ADCY5: variants seen among roughly 807,000 people sequenced by gnomAD.
ADCY5 encodes adenylate cyclase 5, also known as adenylate cyclase type 5.
In ADCY5, 30 loss-of-function variants were observed where a neutral mutation model predicts 119.7. The observed-to-expected ratio is 0.25, with a 90% CI of 0.19 to 0.34. The LOEUF (loss-of-function observed/expected upper bound fraction) is 0.34, where lower values mean the gene tolerates loss of function less well. ADCY5 is among the 10% of genes least tolerant of loss of function. The pLI is 1.00. For missense variants in ADCY5, 1,324 were observed against 1,775.2 expected (o/e 0.75, Z 4.57); for synonymous variants, 753 against 762.2 (o/e 0.99, Z 0.20).
intron 1 of ADCY5, among the ~76,000 whole-genome samples, chr3:123,374,695 G>T (rs555540269): frequency 2.0e-3 from 308 of 152,176 alleles, no homozygotes; most frequent in African/African-American, 6.5e-3. Context: ...TGGCAAAAGG[G>T]GGGCAGCAGC....
intron 1 of ADCY5, among the ~76,000 whole-genome samples, chr3:123,377,798 T>A (rs1313059697): frequency 6.6e-6 from 1 of 151,876 alleles, no homozygotes; most frequent in East Asian, 1.9e-4. Context: ...CGTGTGGTGG[T>A]GTGTGCCTGT....
rs111834386 is a variant in ADCY5, at chr3:123,439,809, T to C, written c.1134+7603A>G. 9.0e-3 allele frequency among the ~76,000 whole-genome samples: 1,375 copies of C among 152,284 alleles called. 22 individuals carry two copies. The highest frequency in any genetic ancestry group is 0.031 in the African/African-American group (1,296 of 41,550). The stretch of plus-strand genomic sequence containing the variant: ...GGCCTAGACAGTGCCTATTATAAGG[T>C]AGGCACCTAATAAATGATTATTATC... On this transcript the variant is annotated intron_variant, in intron 1 of 20. Transcript: ENST00000462833.
At chr3:123,415,297 G>A (rs780828329) in intron 1 of ADCY5, among the ~76,000 whole-genome samples, 1 of 152,178 alleles carries the variant, frequency 6.6e-6, no homozygotes. Context: ...TGCCATGCCC[G>A]GACAGAGGGT....
intron 8 of ADCY5, among the ~76,000 whole-genome samples, chr3:123,322,664 C>A (rs1941284278): frequency 6.6e-6 from 1 of 152,190 alleles, no homozygotes; most frequent in South Asian, 2.1e-4. Context: ...CTGGGCCCCA[C>A]CCTACCGGCT....
chr3:123,324,548 C>T (rs1329512749), intron 8 of ADCY5, among the ~76,000 whole-genome samples: 1 of 152,104 alleles, frequency 6.6e-6, no homozygotes, highest in African/African-American at 2.4e-5. Flanking sequence ...AGCTGAGCAG[C>T]ATGCCTGAGG....
intron 1 of ADCY5, among the ~76,000 whole-genome samples, chr3:123,397,847 G>T (rs990449166): frequency 8.5e-5 from 13 of 152,212 alleles, no homozygotes; most frequent in Non-Finnish European, 1.3e-4. Context: ...TCAAACCCTG[G>T]CTGGACAGAT....
At chr3:123,298,187 G>A (rs1012904658) in intron 15 of ADCY5, among the ~76,000 whole-genome samples, 1 of 152,118 alleles carries the variant, frequency 6.6e-6, no homozygotes, top group African/African-American at 2.4e-5. Context: ...TTTAATAGAC[G>A]TGGGATTTTG....
At chr3:123,325,009 G>A (rs1200075960) in intron 8 of ADCY5, among the ~76,000 whole-genome samples, 1 of 152,234 alleles carries the variant, frequency 6.6e-6, no homozygotes, top group Non-Finnish European at 1.5e-5. Context: ...TGGAGGCTGT[G>A]GCTGGCCGAG....
intron 1 of ADCY5, among the ~76,000 whole-genome samples, chr3:123,440,621 C>T (rs112179329): frequency 9.8e-4 from 149 of 152,274 alleles, no homozygotes; most frequent in African/African-American, 3.4e-3. Flanking sequence ...TCTTCCCCAT[C>T]GCCTGTCTTG....
At chr3:123,396,055 A>AGGGAGGGAGAGAGGGAGGGAGAGAGAGG (rs1944547764) in intron 1 of ADCY5, among the ~76,000 whole-genome samples, 1 of 46,932 alleles carries the variant, frequency 2.1e-5, no homozygotes, top group African/African-American at 8.9e-5. Context: ...GGAGAGAGGG[A>AGGGAGGGAGAGAGGGAGGGAGAGAGAGG]GGGAGGGTGG....
intron 2 of ADCY5, 52 bp from the exon 3 acceptor site, chr3:123,347,955 A>G: frequency 6.2e-7 from 1 of 1,605,808 alleles, no homozygotes; most frequent in African/African-American, 1.3e-5. Flanking sequence ...CTGCCTGGCA[A>G]GTGCTCGCTC....
intron 1 of ADCY5, among the ~76,000 whole-genome samples, chr3:123,400,100 C>T (rs563587424): frequency 1.6e-4 from 25 of 152,298 alleles, no homozygotes; most frequent in African/African-American, 5.8e-4. Context: ...GACTGGGACA[C>T]TGCTGATAAA....
chr3:123,376,209 T>C (rs756295959), intron 1 of ADCY5, among the ~76,000 whole-genome samples: 4 of 150,998 alleles, frequency 2.6e-5, no homozygotes, highest in Non-Finnish European at 5.9e-5. Flanking sequence ...ATGGCCACAG[T>C]TAAGCTAAGG....
intron 1 of ADCY5, among the ~76,000 whole-genome samples, chr3:123,370,501 C>T (rs1289025276): frequency 6.6e-6 from 1 of 152,148 alleles, no homozygotes; most frequent in Non-Finnish European, 1.5e-5. Context: ...CCTCCCATCC[C>T]ATTATCAAAC....
intron 1 of ADCY5, among the ~76,000 whole-genome samples, chr3:123,397,496 G>A (rs1944634664): frequency 1.3e-5 from 2 of 152,232 alleles, no homozygotes; most frequent in Non-Finnish European, 2.9e-5. Context: ...AATTAGCCAG[G>A]CAAGGTGGTG....
At chr3:123,311,967 C>A (rs1260508495) in intron 12 of ADCY5, among the ~76,000 whole-genome samples, 3 of 152,006 alleles carry the variant, frequency 2.0e-5, no homozygotes, top group Non-Finnish European at 4.4e-5. Context: ...TAGGCAAATT[C>A]AACAATACAA....
At chr3:123,392,931 T>C (rs1944438571) in intron 1 of ADCY5, among the ~76,000 whole-genome samples, 1 of 152,178 alleles carries the variant, frequency 6.6e-6, no homozygotes, top group Non-Finnish European at 1.5e-5. Context: ...TCAAGTGGTG[T>C]CTGTGGCTTT....
At position 123,286,978 on chromosome 3, in the gene ADCY5, C is replaced by T; in HGVS notation, c.3533-169G>A. 1.0e-5 allele frequency: 9 copies of T among 892,700 alleles called. No individual in the cohort carries two copies. The highest frequency in any genetic ancestry group is 1.4e-5 in the Non-Finnish European group (9 of 624,594). 55.3% of individuals were successfully genotyped at this position (892,700 alleles called of 1,614,324 possible). A position where few individuals can be genotyped will look rare whatever the true frequency, so the allele number is the denominator to read the frequency against. ...CAGCCTCCCGCTACCCTGCTCCTGT[C>T]AAATGCCTGTGAATGCAAGACACAA... On this transcript the variant is annotated intron_variant, in intron 19 of 20. Transcript: ENST00000462833. This position sits in a 1 kb window ranked among gnomAD's most constrained non-coding sequence, Gnocchi z 4.2.
At chr3:123,346,607 T>TTCTCTCTCTC (rs72299981) in intron 3 of ADCY5, among the ~76,000 whole-genome samples, 3,680 of 127,812 alleles carry the variant, frequency 0.029, 78 homozygotes, top group East Asian at 0.073. Flanking sequence ...CAGCCTCACC[T>TTCTCTCTCTC]TCTCTCTCTC....
Sources: allele counts gnomAD v4.1 joint callset (sites outside exome capture counted in the v4.1 genomes callset), GRCh38; gene constraint gnomAD v4.1.1; non-coding constraint Gnocchi (gnomAD v3.1); transcripts MANE v1.5; gene names NCBI Gene and HGNC (gene_info 2026-07-23, HGNC 2026-07-21).